The following DOCK9 variants were observed in gnomAD, a reference collection of about 807,000 sequenced individuals.
The protein encoded by DOCK9 is dedicator of cytokinesis protein 9.
Under a neutral mutation model 263.3 loss-of-function variants are expected in DOCK9, and 89 were observed. The observed-to-expected ratio is 0.34, with a 90% CI of 0.28 to 0.40. The LOEUF (loss-of-function observed/expected upper bound fraction) is 0.40, where lower values mean the gene tolerates loss of function less well. Ranked by LOEUF, DOCK9 falls within the 10% of genes least tolerant of loss-of-function variation. The pLI, the probability that DOCK9 is intolerant of heterozygous loss-of-function variation, is 1.00. For missense variants in DOCK9, 2,140 were observed against 2,603.4 expected (o/e 0.82, Z 3.87); for synonymous variants, 976 against 973.1 (o/e 1.00, Z -0.06).
intron 45 of DOCK9, among the ~76,000 whole-genome samples, chr13:98,812,151 G>A (rs1326403463): frequency 3.6e-5 from 3 of 82,366 alleles, no homozygotes; most frequent in African/African-American, 1.1e-4. Flanking sequence ...TTTTTTTTTC[G>A]GTTTTGCTAC....
At chr13:98,845,573 G>T (rs546536980) in intron 38 of DOCK9, among the ~76,000 whole-genome samples, 1 of 152,332 alleles carries the variant, frequency 6.6e-6, no homozygotes, top group African/African-American at 2.4e-5. Context: ...TCTCAGAGTT[G>T]CAGGGGAAAG....
At chr13:98,883,016 G>A in intron 23 of DOCK9, 26 bp downstream of exon 23, 1 of 1,593,676 alleles carries the variant, frequency 6.3e-7, no homozygotes. Flanking sequence ...CACTTAAAAG[G>A]GGATACTAAG....
intron 15 of DOCK9, among the ~76,000 whole-genome samples, chr13:98,895,576 A>T (rs937665561): frequency 1.3e-5 from 2 of 151,790 alleles, no homozygotes; most frequent in African/African-American, 4.8e-5. Flanking sequence ...GAGGCAGGAG[A>T]ATCGCTTGAA....
chr13:98,902,304 A>G lies in DOCK9; in HGVS notation c.1364T>C (p.Met455Thr). The change falls in exon 12 of 53, where the codon ATG becomes ACG. Residue 455 changes from methionine (M) to threonine (T), a missense_variant. Met to Thr is a moderately conservative substitution (Grantham distance 81, BLOSUM62 -1). Coordinates refer to ENST00000682017, the MANE Select transcript of DOCK9 (RefSeq NM_001366683.2). ...ACTCCCCACCTGCTTCGGATACTGC[A>G]TGGCGGCTTCATGAAGGATGCCCTT... ...VLKGILHEAAMQYPKQGIFSV... is the reference protein window; with the variant it reads ...VLKGILHEAATQYPKQGIFSV... The G allele has an allele frequency of 1.9e-6, 3 of 1,613,908 alleles. No homozygotes were observed. The highest frequency in any genetic ancestry group is 1.7e-5 in the Admixed American group (1 of 60,018).
chr13:98,963,833 C>G (rs2058923250), intron 1 of DOCK9, among the ~76,000 whole-genome samples: 1 of 152,210 alleles, frequency 6.6e-6, no homozygotes, highest in Non-Finnish European at 1.5e-5. Flanking sequence ...CAAAAAGGGG[C>G]TTCTGAAGCC....
intron 1 of DOCK9, among the ~76,000 whole-genome samples, chr13:99,055,970 A>G (rs192498113): frequency 1.3e-5 from 2 of 152,308 alleles, no homozygotes; most frequent in East Asian, 1.9e-4. Flanking sequence ...TATCAGCTGC[A>G]CTAAGCATCA....
chr13:99,025,041 T>C (rs16956250), intron 1 of DOCK9, among the ~76,000 whole-genome samples: 4,007 of 152,308 alleles, frequency 0.026, 163 homozygotes, highest in African/African-American at 0.091. Context: ...GACTCTCTTT[T>C]ATATACAGCC....
chr13:98,935,453 A>G (rs1381194521), intron 2 of DOCK9, among the ~76,000 whole-genome samples: 1 of 152,182 alleles, frequency 6.6e-6, no homozygotes, highest in Non-Finnish European at 1.5e-5. Flanking sequence ...GAATTCTGTC[A>G]GTGTCTCTAT....
At position 98,880,527 on chromosome 13, in the gene DOCK9, C is replaced by A; in HGVS notation, c.2871+20G>T. On this transcript the variant is annotated intron_variant, in intron 26 of 52. Transcript: ENST00000682017. ...TGTTAATCAGTTTCAATCAGAGCCA[C>A]ACTGACTCTCCTGACATACCTTCAG... The A allele has an allele frequency of 6.2e-7, 1 of 1,613,624 alleles. No homozygotes were observed. The highest frequency in any genetic ancestry group is 1.1e-5 in the South Asian group (1 of 90,962).
In DOCK9 at chr13:98,860,397, A is replaced by G; in HGVS notation, c.3697+8T>C. The G allele has an allele frequency of 6.4e-7, 1 of 1,574,146 alleles. No homozygotes were observed. The highest frequency in any genetic ancestry group is 8.6e-7 in the Non-Finnish European group (1 of 1,158,416). ...TGGAGAGAAGCCCACAAGAGCATGG[A>G]GCGTTACCAATGCCGGAGATGGCGC... On this transcript the variant is annotated splice_region_variant and intron_variant, in intron 33 of 52. Coordinates refer to ENST00000682017, the MANE Select transcript of DOCK9 (RefSeq NM_001366683.2).
rs371287629 is a variant in DOCK9 at position 98,816,519 on chromosome 13, T to C, written c.5131-6228A>G. Among the ~76,000 whole-genome samples, 228 of 151,618 alleles carry C rather than the reference T, an allele frequency of 1.5e-3. 10 individuals are homozygous for C. In the South Asian group the frequency reaches 0.044, roughly 30 times the overall value. On this transcript the variant is annotated intron_variant, in intron 45 of 52. Transcript: ENST00000682017. ...AAAGAACAGTCAGGTGAAGGAACGCTCCCTGTCTCCTAGAGCCCAGAGTCT... is the reference window on the plus strand; with the variant it reads ...AAAGAACAGTCAGGTGAAGGAACGCCCCCTGTCTCCTAGAGCCCAGAGTCT...
At chr13:99,081,013 T>C (rs191177188) in intron 1 of DOCK9, among the ~76,000 whole-genome samples, 287 of 152,154 alleles carry the variant, frequency 1.9e-3, no homozygotes, top group Middle Eastern at 6.8e-3. Context: ...GTACTAATAA[T>C]CAAAAGGACT....
upstream of DOCK9, among the ~76,000 whole-genome samples, chr13:99,087,646 G>A (rs752619609): frequency 1.3e-5 from 2 of 152,238 alleles, no homozygotes; most frequent in African/African-American, 2.4e-5. Flanking sequence ...GAGGAAGCCC[G>A]GCGCAGCCTA....
intron 1 of DOCK9, among the ~76,000 whole-genome samples, chr13:99,050,045 A>G (rs1257700924): frequency 1.3e-5 from 2 of 152,218 alleles, no homozygotes; most frequent in Non-Finnish European, 2.9e-5. Flanking sequence ...TAACCTATGG[A>G]GCTATCAAAG....
chr13:98,959,928 C>T (rs2058451756), intron 1 of DOCK9, among the ~76,000 whole-genome samples: 2 of 152,190 alleles, frequency 1.3e-5, no homozygotes, highest in Admixed American at 1.3e-4. Context: ...TTCAGCCCCG[C>T]TAAGCTTTTC....
rs530533694 is a variant in DOCK9 at position 99,077,096 on chromosome 13, G to C, written c.129+9127C>G. On this transcript the variant is annotated intron_variant, in intron 1 of 32. Transcript: ENST00000427887. ...GGGAGGGTGGTGTCTGATAAGGAGA[G>C]AGCCTTATGGTCCAAGGGAAATAGT... is the stretch of plus-strand genomic sequence containing the variant. 7.3e-4 allele frequency among the ~76,000 whole-genome samples: 111 copies of C among 152,258 alleles called. 1 individual carries two copies. The South Asian group carries it at 0.022, about 30-fold the overall frequency.
intron 43 of DOCK9, among the ~76,000 whole-genome samples, chr13:98,828,466 A>T (rs536084566): frequency 2.0e-5 from 3 of 152,354 alleles, no homozygotes; most frequent in Non-Finnish European, 2.9e-5. Context: ...TTTATAGTCA[A>T]AACTGTCACG....
At chr13:98,966,726 A>G (rs2059234384) in intron 1 of DOCK9, among the ~76,000 whole-genome samples, 1 of 152,234 alleles carries the variant, frequency 6.6e-6, no homozygotes, top group African/African-American at 2.4e-5. Flanking sequence ...ATAGTTCACA[A>G]AACAGTTTCT....
intron 15 of DOCK9, among the ~76,000 whole-genome samples, chr13:98,890,614 G>A (rs1240030502): frequency 6.6e-6 from 1 of 152,072 alleles, no homozygotes; most frequent in Admixed American, 6.5e-5. Flanking sequence ...CAAAGCACAG[G>A]GACTGGCAGA....
Sources: allele counts gnomAD v4.1 joint callset (sites outside exome capture counted in the v4.1 genomes callset), GRCh38; gene constraint gnomAD v4.1.1; transcripts MANE v1.5; gene names NCBI Gene and HGNC (gene_info 2026-07-23, HGNC 2026-07-21).